The following RAB1B variants were observed in gnomAD, a reference collection of about 807,000 sequenced individuals.
RAB1B encodes ras-related protein Rab-1B.
RAB1B carries 10 observed loss-of-function variants against 24.8 expected under a neutral mutation model. The ratio of observed to expected loss-of-function variants is 0.40; its 90% confidence interval spans 0.25 to 0.68. The LOEUF (loss-of-function observed/expected upper bound fraction) is 0.68, where lower values mean the gene tolerates loss of function less well. Ranked by LOEUF, RAB1B falls within the 30% of genes least tolerant of loss-of-function variation. RAB1B has a pLI of 0.37. For missense variants in RAB1B, 154 were observed against 271.2 expected, an observed-to-expected ratio of 0.57 and a Z score of 3.04; for synonymous variants, 99 against 111.7, an observed-to-expected ratio of 0.89 and a Z score of 0.72.
intron 1 of RAB1B, 142 bp from the exon 2 acceptor site, chr11:66,271,655 A>C (rs1290365895): frequency 1.6e-5 from 10 of 614,650 alleles, no homozygotes; most frequent in Non-Finnish European, 2.9e-5. Flanking sequence ...TGGGTGACAG[A>C]GTGAGACCTT....
chr11:66,270,073 A>G (rs900666217), intron 1 of RAB1B: 31 of 152,128 alleles, frequency 2.0e-4, no homozygotes, highest in Admixed American at 1.9e-3. Context: ...CAGGGTCTCG[A>G]TATGTTTCCC....
chr11:66,275,752 G>T (rs1857131095), intron 4 of RAB1B, 52 bp from the exon 5 acceptor site: 1 of 1,539,070 alleles, frequency 6.5e-7, no homozygotes. Context: ...CCAGGCCTGG[G>T]GTAGGGGTGA....
chr11:66,275,291 AAGT>A (rs1027409572), intron 4 of RAB1B, among the ~76,000 whole-genome samples: 3 of 151,990 alleles, frequency 2.0e-5, no homozygotes, highest in Non-Finnish European at 4.4e-5. Context: ...TTGGTGCCAA[AAGT>A]AGGATGAATT....
At chr11:66,269,014 C>T (rs1302164127) in intron 1 of RAB1B, among the ~76,000 whole-genome samples, 1 of 152,058 alleles carries the variant, frequency 6.6e-6, no homozygotes, top group Non-Finnish European at 1.5e-5. Context: ...GCCTCAGTTT[C>T]CCCACCTGCT....
At chr11:66,271,724 G>A (rs538192826) in intron 1 of RAB1B, 73 bp from the exon 2 acceptor site, 9 of 1,084,582 alleles carry the variant, frequency 8.3e-6, no homozygotes, top group East Asian at 2.4e-5. Flanking sequence ...GGGGAATCCT[G>A]TAATTGTGAC....
At position 66,275,790 on chromosome 11, in the gene RAB1B, C is replaced by T; in HGVS notation, c.280-14C>T. 1 of 1,565,392 alleles carries T rather than the reference C, an allele frequency of 6.4e-7. No homozygotes were observed. On this transcript the variant is annotated splice_polypyrimidine_tract_variant and intron_variant, in intron 4 of 5. Transcript: ENST00000311481. ...GTTGGGAGCAAAATAACTTTGGCCC[C>T]TGGCCCCCTTTAGGAATCCTACGCC...
chr11:66,272,981 G>T (rs546244605), intron 4 of RAB1B, among the ~76,000 whole-genome samples: 3 of 152,242 alleles, frequency 2.0e-5, no homozygotes, highest in Non-Finnish European at 2.9e-5. Context: ...GCAAGGGCTG[G>T]AAATGGTTCC....
intron 4 of RAB1B, among the ~76,000 whole-genome samples, chr11:66,275,569 G>A (rs953205511): frequency 3.9e-5 from 6 of 152,130 alleles, no homozygotes; most frequent in Admixed American, 6.5e-5. Flanking sequence ...TGGGGCAGCT[G>A]TTGAGGTGTT....
At position 66,277,074 on chromosome 11, in the gene RAB1B, C is replaced by T. The variant is rs1196460655; in HGVS notation, c.*836C>T. ...TTTCCCCAAGGTAGCACATCTGGCT[C>T]ACTCCCCACTCCGTCTCTGGAGCCC... On this transcript the variant is annotated 3_prime_UTR_variant, in exon 6 of 6. Transcript: ENST00000311481. The T allele has an allele frequency of 6.5e-6, 1 of 152,854 alleles. No individual in the cohort carries two copies. The allele number at this position is 152,854 out of a possible 1,614,324, so 9.5% of individuals were successfully genotyped here.
intron 4 of RAB1B, among the ~76,000 whole-genome samples, chr11:66,275,558 T>C (rs527604938): frequency 6.6e-5 from 10 of 151,776 alleles, no homozygotes; most frequent in South Asian, 4.2e-4. Flanking sequence ...CAGGCCCAAG[T>C]TGGGGCAGCT....
At chr11:66,269,390 G>A (rs1282079186) in intron 1 of RAB1B, among the ~76,000 whole-genome samples, 2 of 152,184 alleles carry the variant, frequency 1.3e-5, no homozygotes, top group Non-Finnish European at 2.9e-5. Flanking sequence ...GATGAATATG[G>A]AATTTGCTCT....
In RAB1B at chr11:66,272,351, C is replaced by G. The variant is rs766020509; in HGVS notation, c.184-14C>G. On this transcript the variant is annotated splice_polypyrimidine_tract_variant and intron_variant, in intron 3 of 5. Coordinates refer to ENST00000311481, the MANE Select transcript of RAB1B (RefSeq NM_030981.3). Reference sequence around the variant, plus strand: ...GACCTCAGCTGACCTGCTCCTCTGCCTACTGTCTCCTAGTGGGACACAGCG... The same window carrying G: ...GACCTCAGCTGACCTGCTCCTCTGCGTACTGTCTCCTAGTGGGACACAGCG... 6.2e-7 allele frequency: 1 copy of G among 1,611,804 alleles called. No homozygotes were observed. Among genetic ancestry groups the G allele is most frequent in the Non-Finnish European group, 8.5e-7 (1 of 1,178,128 alleles).
intron 4 of RAB1B, chr11:66,272,730 G>T (rs1590885131): frequency 3.4e-6 from 1 of 294,398 alleles, no homozygotes; most frequent in East Asian, 6.5e-5. Flanking sequence ...TCCCCACCAA[G>T]CCAAACTTGC....
intron 4 of RAB1B, among the ~76,000 whole-genome samples, chr11:66,275,042 G>A (rs958952200): frequency 1.3e-5 from 2 of 152,068 alleles, no homozygotes; most frequent in Admixed American, 6.5e-5. Flanking sequence ...CTACTGTCCC[G>A]TGAATGTGTT....
rs748663907 is a variant in RAB1B at position 66,272,192 on chromosome 11, C to T, written c.123C>T (p.Ile41=). 1.9e-5 allele frequency: 31 copies of T among 1,613,620 alleles called. No homozygotes were observed. Among genetic ancestry groups the T allele is most frequent in the Admixed American group, 3.3e-5 (2 of 60,002 alleles). The change falls in exon 3 of 6, where the codon ATC becomes ATT. Residue 41 remains isoleucine (I), a synonymous_variant. Coordinates refer to ENST00000311481, the MANE Select transcript of RAB1B (RefSeq NM_030981.3). ...ACACAGAGAGCTACATCAGCACCAT[C>T]GGGGTGGACTTCAAGATCCGAACCA... ...DTYTESYIST[I]GVDFKIRTIE... is the part of the protein sequence containing the mutation.
At chr11:66,274,757 C>G (rs192581988) in intron 4 of RAB1B, among the ~76,000 whole-genome samples, 74 of 143,972 alleles carry the variant, frequency 5.1e-4, no homozygotes, top group African/African-American at 1.9e-3. Context: ...CTCCTCCCCA[C>G]TCCCCCATTC....
rs773782321 is a variant in RAB1B at position 66,271,886 on chromosome 11, C to T, written c.87+17C>T. ...CGGTTTGCTGTGAGTAAGAAGCCTC[C>T]CATACCATCCACCTGGGGTCCTGAC... On this transcript the variant is annotated intron_variant, in intron 2 of 5. Transcript: ENST00000311481. 4.4e-6 allele frequency: 7 copies of T among 1,605,226 alleles called. No individual in the cohort carries two copies. Among genetic ancestry groups the T allele is most frequent in the Non-Finnish European group, 6.0e-6 (7 of 1,171,970 alleles).
At chr11:66,273,724 T>C (rs985707687) in intron 4 of RAB1B, among the ~76,000 whole-genome samples, 1 of 152,236 alleles carries the variant, frequency 6.6e-6, no homozygotes, top group Non-Finnish European at 1.5e-5. Context: ...GTGTCTGTAT[T>C]AATCCTGATC....
In RAB1B at chr11:66,276,408, G is replaced by C; in HGVS notation, c.*170G>C. 2 of 666,448 alleles carry C rather than the reference G, an allele frequency of 3.0e-6. No homozygotes were observed. The highest frequency in any genetic ancestry group is 2.4e-6 in the Non-Finnish European group (1 of 416,176). 41.3% of individuals were successfully genotyped at this position (666,448 alleles called of 1,614,324 possible). ...CATCTGCCTGCTGCCCTGAGCCCCG[G>C]TTCTGTCAGGGTCCCTAAGGGAGGA... On this transcript the variant is annotated 3_prime_UTR_variant, in exon 6 of 6. Transcript: ENST00000311481.
Sources: gnomAD v4.1 joint callset for allele counts (sites outside exome capture counted in the v4.1 genomes callset) on GRCh38, gnomAD v4.1.1 for gene constraint, MANE v1.5 for transcripts, NCBI Gene and HGNC (gene_info 2026-07-23, HGNC 2026-07-21) for gene names.